ATP8A1: variants seen among roughly 807,000 people sequenced by gnomAD.
ATP8A1 encodes the protein ATPase phospholipid transporting 8A1, also known as phospholipid-transporting ATPase IA.
In ATP8A1, 90 loss-of-function variants were observed where a neutral mutation model predicts 177.7. That is an observed-to-expected ratio of 0.51 (90% CI 0.43 to 0.60). The LOEUF (loss-of-function observed/expected upper bound fraction) is 0.60, where lower values mean the gene tolerates loss of function less well. Among genes scored for constraint, ATP8A1 ranks in the 20% least tolerant of loss-of-function variants. The pLI, the probability that ATP8A1 is intolerant of heterozygous loss-of-function variation, is 0.00. For synonymous variants in ATP8A1, 493 were observed against 485.9 expected, an observed-to-expected ratio of 1.01 and a Z score of -0.19; for missense variants, 1,072 against 1,392.8, an observed-to-expected ratio of 0.77 and a Z score of 3.67.
At chr4:42,523,076 T>C (rs935764440) in intron 21 of ATP8A1, among the ~76,000 whole-genome samples, 2 of 152,176 alleles carry the variant, frequency 1.3e-5, no homozygotes, top group African/African-American at 4.8e-5. Context: ...TTTGTCATCA[T>C]AAATCTGTAG....
At chr4:42,613,328 G>C (rs17532511) in intron 5 of ATP8A1, among the ~76,000 whole-genome samples, 28,328 of 144,054 alleles carry the variant, frequency 0.2, 2,735 homozygotes, top group Non-Finnish European at 0.23. Flanking sequence ...AGATCTGAAA[G>C]AAAGTACAGT....
At chr4:42,443,541 T>C (rs1211261650) in intron 33 of ATP8A1, 24 bp downstream of exon 33, 1 of 916,036 alleles carries the variant, frequency 1.1e-6, no homozygotes. Context: ...TTTTGTTGGA[T>C]TGTGAGTTAT....
At chr4:42,504,160 G>A (rs914655669) in intron 23 of ATP8A1, among the ~76,000 whole-genome samples, 2 of 152,136 alleles carry the variant, frequency 1.3e-5, no homozygotes, top group Non-Finnish European at 2.9e-5. Flanking sequence ...CTGCCTTTGT[G>A]ATCTCATTCC....
chr4:42,479,610 T>A (rs1184823738), intron 25 of ATP8A1, among the ~76,000 whole-genome samples: 2 of 152,216 alleles, frequency 1.3e-5, no homozygotes, highest in Non-Finnish European at 2.9e-5. Context: ...AGAGTGCTGA[T>A]GTACTGATGA....
chr4:42,649,459 T>A (rs1740871937), intron 1 of ATP8A1, among the ~76,000 whole-genome samples: 1 of 152,188 alleles, frequency 6.6e-6, no homozygotes, highest in African/African-American at 2.4e-5. Flanking sequence ...TAAATTTATA[T>A]GAAGTATATA....
intron 6 of ATP8A1, 95 bp from the exon 7 acceptor site, chr4:42,590,979 G>A (rs1734117285): frequency 1.5e-5 from 17 of 1,119,388 alleles, no homozygotes; most frequent in Non-Finnish European, 2.0e-5. Context: ...CAGAAAGTTC[G>A]AAATTATTAT....
At chr4:42,435,442 AAAAAAAACAAAAAAAAAAAAAC>A (rs1343900045) in intron 33 of ATP8A1, among the ~76,000 whole-genome samples, 4 of 133,934 alleles carry the variant, frequency 3.0e-5, no homozygotes, top group African/African-American at 1.2e-4. Context: ...AAAAAAAAAA[AAAAAAAACAAAAAAAAAAAAAC>A]AAACTATCTC....
At chr4:42,521,014 G>A (rs1485305923) in intron 22 of ATP8A1, among the ~76,000 whole-genome samples, 1 of 152,148 alleles carries the variant, frequency 6.6e-6, no homozygotes, top group Admixed American at 6.6e-5. Context: ...GAGGAGCAGA[G>A]GGGGGAAATA....
chr4:42,610,512 G>A (rs17448010), intron 5 of ATP8A1, among the ~76,000 whole-genome samples: 34,052 of 150,880 alleles, frequency 0.23, 4,311 homozygotes, highest in Non-Finnish European at 0.29. Context: ...CATAAAGCCA[G>A]CCATAAAATC....
chr4:42,579,900 A>C lies in ATP8A1; in HGVS notation c.913T>G (p.Leu305Val), dbSNP rs761010937. The C allele has an allele frequency of 6.2e-7, 1 of 1,613,782 alleles. No individual in the cohort carries two copies. The highest frequency in any genetic ancestry group is 8.5e-7 in the Non-Finnish European group (1 of 1,179,760). The change falls in exon 11 of 37, where the codon TTA (leucine) becomes GTA (valine). Residue 305 changes from leucine to valine, a missense_variant. Leu to Val is a conservative substitution (Grantham distance 32). Around this residue, in one of 5 missense-constraint regions of ATP8A1, gnomAD observed 344 missense variants for 393.5 expected, o/e 0.87. Transcript: ENST00000381668. ...GAACAGACAAGAGACATGGCAATTA[A>C]GATACAAAATAAAATCAAAATTTGT... ...NVQILILFCI[L>V]IAMSLVCSVG...
intron 15 of ATP8A1, among the ~76,000 whole-genome samples, chr4:42,556,594 C>A (rs1165020210): frequency 6.6e-6 from 1 of 152,016 alleles, no homozygotes; most frequent in Admixed American, 6.5e-5. Flanking sequence ...AATATAAGAA[C>A]AAATAATAAA....
chr4:42,606,667 A>C (rs1232825445), intron 5 of ATP8A1, among the ~76,000 whole-genome samples: 1 of 152,210 alleles, frequency 6.6e-6, no homozygotes, highest in Non-Finnish European at 1.5e-5. Flanking sequence ...TGTGTGAGAC[A>C]ACTCAATTTT....
chr4:42,414,507 G>C, intron 36 of ATP8A1, 120 bp downstream of exon 36: 1 of 854,152 alleles, frequency 1.2e-6, no homozygotes, highest in Non-Finnish European at 1.8e-6. Context: ...TTACAAATAT[G>C]CAAAACTTAT....
In ATP8A1 at chr4:42,435,456, A is replaced by AAAAAAAAAAAAAAAAAC. The variant is rs1560320569; in HGVS notation, c.3123+8108_3123+8109insGTTTTTTTTTTTTTTTT. On this transcript the variant is annotated intron_variant, in intron 33 of 36. Coordinates refer to ENST00000381668, the MANE Select transcript of ATP8A1 (RefSeq NM_006095.2). Reference sequence around the variant, plus strand: ...AAAAAAAAAAAAAAAAAAACAAAAAAAAAAAAACAAACTATCTCCAGTTAT... The same window carrying AAAAAAAAAAAAAAAAAC: ...AAAAAAAAAAAAAAAAAAACAAAAAAAAAAAAAAAAAAAAAACAAAAAAACAAACTATCTCCAGTTAT... Among the ~76,000 whole-genome samples, 21 of 101,066 alleles carry AAAAAAAAAAAAAAAAAC rather than the reference A, an allele frequency of 2.1e-4. 1 individual carries two copies. The highest frequency in any genetic ancestry group is 6.7e-4 in the African/African-American group (21 of 31,124). 66.3% of individuals were successfully genotyped at this position (101,066 alleles called of 152,430 possible).
intron 15 of ATP8A1, among the ~76,000 whole-genome samples, chr4:42,567,795 C>T (rs1731504714): frequency 6.6e-6 from 1 of 152,136 alleles, no homozygotes; most frequent in South Asian, 2.1e-4. Context: ...TATGAAACAA[C>T]CTCTATTGAA....
chr4:42,568,369 A>G (rs915175120), intron 15 of ATP8A1, among the ~76,000 whole-genome samples: 1 of 152,246 alleles, frequency 6.6e-6, no homozygotes. Flanking sequence ...TATGAAAATA[A>G]AAATGGAATG....
chr4:42,573,010 T>C lies in ATP8A1; in HGVS notation c.1295+1609A>G, dbSNP rs573036982. ...CCTATAACAGTTGTTAATGATGACA[T>C]TGTCAACAGACACAGATGGGCACTG... On this transcript the variant is annotated intron_variant, in intron 14 of 36. Coordinates refer to ENST00000381668, the MANE Select transcript of ATP8A1 (RefSeq NM_006095.2). Among the ~76,000 whole-genome samples, 13 of 152,298 alleles carry C rather than the reference T, an allele frequency of 8.5e-5. No homozygotes were observed. In the South Asian group the frequency reaches 2.1e-3, roughly 24 times the overall value.
At chr4:42,574,550 C>T in intron 14 of ATP8A1, 69 bp downstream of exon 14, 3 of 1,310,278 alleles carry the variant, frequency 2.3e-6, no homozygotes, top group South Asian at 1.3e-5. Flanking sequence ...ATAAGAACTC[C>T]CAAATGTACC....
At chr4:42,451,887 G>T in intron 30 of ATP8A1, 94 bp downstream of exon 30, 1 of 875,668 alleles carries the variant, frequency 1.1e-6, no homozygotes, top group Non-Finnish European at 1.7e-6. Flanking sequence ...ATCATACAAT[G>T]AAACTGCTAT....
Sources: allele counts gnomAD v4.1 joint callset (sites outside exome capture counted in the v4.1 genomes callset), GRCh38; gene constraint gnomAD v4.1.1; regional missense constraint gnomAD v4.1.1; transcripts MANE v1.5; gene names NCBI Gene and HGNC (gene_info 2026-07-23, HGNC 2026-07-21).